CDH19: variants seen among roughly 807,000 people sequenced by gnomAD.
The protein encoded by CDH19 is cadherin-19.
Under a neutral mutation model 64.2 loss-of-function variants are expected in CDH19, and 67 were observed. The observed-to-expected ratio is 1.04, with a 90% CI of 0.86 to 1.28. The LOEUF (loss-of-function observed/expected upper bound fraction) is 1.28, where lower values mean the gene tolerates loss of function less well. CDH19 is among the 50% of genes most tolerant of loss of function. The pLI, the probability that CDH19 is intolerant of heterozygous loss-of-function variation, is 0.00. For synonymous variants in CDH19, 346 were observed against 319.3 expected (o/e 1.08, Z -0.89); for missense variants, 1,030 against 929.0 (o/e 1.11, Z -1.41).
chr18:66,518,614 C>T (rs1985843567), intron 9 of CDH19, among the ~76,000 whole-genome samples: 1 of 151,986 alleles, frequency 6.6e-6, no homozygotes, highest in Admixed American at 6.6e-5. Context: ...TATTTAGTTC[C>T]TTTGACTTGA....
chr18:66,559,751 A>G (rs1444402990), intron 3 of CDH19, among the ~76,000 whole-genome samples: 1 of 151,120 alleles, frequency 6.6e-6, no homozygotes, highest in East Asian at 1.9e-4. Context: ...ATATATATGA[A>G]AAGAAATAAA....
chr18:66,590,977 T>A (rs889404631), intron 1 of CDH19, among the ~76,000 whole-genome samples: 1 of 151,918 alleles, frequency 6.6e-6, no homozygotes, highest in Non-Finnish European at 1.5e-5. Flanking sequence ...TGATTTTTTT[T>A]ATGTATTACT....
At position 66,503,438 on chromosome 18, in the gene CDH19, G is replaced by A. The variant is rs2144318583; in HGVS notation, c.*1374C>T. ...TTGTATCATGTTTTATCCCATGAAT[G>A]GTAAGTCAGTTCAGTTGATCATAAT... On this transcript the variant is annotated 3_prime_UTR_variant, in exon 12 of 12. Transcript: ENST00000262150. 6.6e-6 allele frequency: 1 copy of A among 151,850 alleles called. No homozygotes were observed. The allele number at this position is 151,850 out of a possible 1,614,324, so 9.4% of individuals were successfully genotyped here.
chr18:66,526,908 C>CTTTTAGTTTCATTTCTA (rs1333284396), intron 9 of CDH19, among the ~76,000 whole-genome samples: 1 of 151,620 alleles, frequency 6.6e-6, no homozygotes, highest in African/African-American at 2.4e-5. Flanking sequence ...GGCACACCAT[C>CTTTTAGTTTCATTTCTA]TTTTAGTTTC....
In CDH19 at chr18:66,554,443, A is replaced by G. The variant is rs199547788; in HGVS notation, c.572T>C (p.Leu191Pro). The G allele has an allele frequency of 4.8e-5, 78 of 1,612,038 alleles. No homozygotes were observed. The highest frequency in any genetic ancestry group is 6.3e-5 in the Non-Finnish European group (74 of 1,178,724). The part of the protein sequence containing the change: ...GNNARLLYSL[L>P]QGQPYFSVEP... ...AACAGAAAAATATGGCTGGCCTTGA[A>G]GTAAGCTGTAGAGGAGACGAGCATT... Residue 191 changes from leucine to proline, a missense_variant, in exon 4 of 12, where the codon CTT becomes CCT. Transcript: ENST00000262150.
At chr18:66,543,186 T>C (rs963273779) in intron 7 of CDH19, among the ~76,000 whole-genome samples, 3 of 151,986 alleles carry the variant, frequency 2.0e-5, no homozygotes, top group Non-Finnish European at 4.4e-5. Flanking sequence ...CCGCCACGCC[T>C]GGCTAATTTT....
intron 8 of CDH19, among the ~76,000 whole-genome samples, chr18:66,530,482 A>C (rs1194666154): frequency 6.6e-6 from 1 of 152,054 alleles, no homozygotes; most frequent in African/African-American, 2.4e-5. Flanking sequence ...AGCTTTTAAA[A>C]ACAAATAATT....
At chr18:66,577,102 C>T (rs1312632136) in intron 1 of CDH19, among the ~76,000 whole-genome samples, 5 of 151,556 alleles carry the variant, frequency 3.3e-5, no homozygotes, top group African/African-American at 1.2e-4. Context: ...GATACTGGAT[C>T]AGAAAACTCA....
chr18:66,505,986 T>C (rs7240819), intron 11 of CDH19, among the ~76,000 whole-genome samples: 48,529 of 151,836 alleles, frequency 0.32, 9,386 homozygotes, highest in African/African-American at 0.54. Flanking sequence ...AATGGAATAC[T>C]GTTCAGTCAC....
chr18:66,579,411 C>T (rs1988359890), intron 1 of CDH19, among the ~76,000 whole-genome samples: 1 of 152,098 alleles, frequency 6.6e-6, no homozygotes, highest in East Asian at 1.9e-4. Flanking sequence ...CAAATTGTGT[C>T]TTTCTACAGA....
intron 1 of CDH19, among the ~76,000 whole-genome samples, chr18:66,598,242 T>A (rs1351801127): frequency 6.6e-6 from 1 of 152,162 alleles, no homozygotes; most frequent in Non-Finnish European, 1.5e-5. Flanking sequence ...AGTTTGGAGA[T>A]ATCTCAAAGA....
chr18:66,562,951 T>A (rs1445289207), intron 3 of CDH19, among the ~76,000 whole-genome samples: 1 of 152,066 alleles, frequency 6.6e-6, no homozygotes, highest in East Asian at 1.9e-4. Context: ...GTTATGTAAA[T>A]TTTATTATTA....
intron 1 of CDH19, among the ~76,000 whole-genome samples, chr18:66,579,903 T>C (rs1203810182): frequency 6.6e-6 from 1 of 151,974 alleles, no homozygotes; most frequent in Admixed American, 6.6e-5. Context: ...TTGAAGCATA[T>C]TGGTATTAGA....
chr18:66,544,108 G>C lies in CDH19; in HGVS notation c.1077C>G (p.Ile359Met). The C allele has an allele frequency of 1.2e-6, 2 of 1,613,928 alleles. No individual in the cohort carries two copies. Among genetic ancestry groups the C allele is most frequent in the Non-Finnish European group, 1.7e-6 (2 of 1,179,926 alleles). The change falls in exon 7 of 12, where the codon ATC becomes ATG. Residue 359 changes from isoleucine to methionine, a missense_variant. Ile to Met is a conservative substitution (Grantham distance 10). Transcript: ENST00000262150. ...GAGGCTCATCAACATCTTCCACCTG[G>C]ATCTTAATGAAAGTGGTGGAAGCCT... ...HTEASTTFIK[I>M]QVEDVDEPPL...
At chr18:66,515,816 C>T (rs1030799953) in intron 9 of CDH19, among the ~76,000 whole-genome samples, 1 of 151,690 alleles carries the variant, frequency 6.6e-6, no homozygotes, top group Non-Finnish European at 1.5e-5. Context: ...TAAAATATCT[C>T]ATTAGTATCT....
At chr18:66,529,679 GAATAT>G (rs1434890038) in intron 9 of CDH19, among the ~76,000 whole-genome samples, 161 bp downstream of exon 9, 15 of 146,520 alleles carry the variant, frequency 1.0e-4, no homozygotes, top group Admixed American at 4.8e-4. Context: ...TATATATATT[GAATAT>G]AATATAATAT....
intron 5 of CDH19, among the ~76,000 whole-genome samples, chr18:66,546,535 A>G (rs1277841145): frequency 2.6e-5 from 4 of 152,160 alleles, no homozygotes; most frequent in Non-Finnish European, 4.4e-5. Context: ...CATACTTTCA[A>G]AAATTATTTT....
intron 3 of CDH19, among the ~76,000 whole-genome samples, chr18:66,565,527 G>A (rs1052302381): frequency 2.0e-5 from 3 of 151,892 alleles, no homozygotes; most frequent in African/African-American, 7.2e-5. Context: ...AAATTTGGAA[G>A]TAAGGTCAAT....
intron 3 of CDH19, among the ~76,000 whole-genome samples, chr18:66,567,444 A>T (rs1370899415): frequency 6.6e-6 from 1 of 151,838 alleles, no homozygotes; most frequent in Non-Finnish European, 1.5e-5. Flanking sequence ...AGTGCTATTT[A>T]CATCTCATAA....
Sources: gnomAD v4.1 joint callset for allele counts (sites outside exome capture counted in the v4.1 genomes callset) on GRCh38, gnomAD v4.1.1 for gene constraint, MANE v1.5 for transcripts, NCBI Gene and HGNC (gene_info 2026-07-23, HGNC 2026-07-21) for gene names.